The following TBCK variants were observed in gnomAD, a reference collection of about 807,000 sequenced individuals.
TBCK encodes TBC domain-containing protein kinase-like protein.
A neutral mutation model predicts 113.4 loss-of-function variants in TBCK; 99 were observed. The ratio of observed to expected loss-of-function variants is 0.87; its 90% CI spans 0.74 to 1.03. The LOEUF is 1.03. TBCK is among the 50% of genes least tolerant of loss of function. The probability of loss-of-function intolerance (pLI) is 0.00; values close to 1 mark genes in which losing one functional copy is unlikely to be tolerated. For synonymous variants in TBCK, 369 were observed against 370.8 expected, an observed-to-expected ratio of 1.00 and a Z score of 0.05; for missense variants, 1,045 against 1,061.3, an observed-to-expected ratio of 0.98 and a Z score of 0.21.
chr4:106,059,089 C>A (rs1309471129), intron 25 of TBCK, among the ~76,000 whole-genome samples: 1 of 151,678 alleles, frequency 6.6e-6, no homozygotes, highest in Non-Finnish European at 1.5e-5. Context: ...AGTGTAGGAA[C>A]TTTGTAGACA....
In TBCK at chr4:106,177,048, G is replaced by A. The variant is rs978865852; in HGVS notation, c.2060-5778C>T. On this transcript the variant is annotated intron_variant, in intron 22 of 25. Coordinates refer to ENST00000394708, the MANE Select transcript of TBCK (RefSeq NM_001163435.3). ...GACATGATCATAGACTATGACCTAC[G>A]ACAAGCCTGAAACTTCTGGGCTCAA... Among the ~76,000 whole-genome samples the A allele has an allele frequency of 4.8e-4, 73 of 150,900 alleles. 1 individual carries two copies. Among genetic ancestry groups the A allele is most frequent in the Admixed American group, 4.8e-3 (72 of 15,130 alleles).
At chr4:106,288,191 C>A (rs112102713) in intron 3 of TBCK, among the ~76,000 whole-genome samples, 7 of 151,414 alleles carry the variant, frequency 4.6e-5, no homozygotes, top group African/African-American at 1.5e-4. Context: ...CTCAGGAGTT[C>A]GCGACCAGCC....
intron 23 of TBCK, among the ~76,000 whole-genome samples, chr4:106,118,163 C>T (rs1347277840): frequency 6.6e-6 from 1 of 152,026 alleles, no homozygotes; most frequent in Non-Finnish European, 1.5e-5. Flanking sequence ...TTCTCAGTTA[C>T]ATTGTGGAAT....
intron 23 of TBCK, among the ~76,000 whole-genome samples, chr4:106,121,319 G>A (rs1173306208): frequency 6.7e-6 from 1 of 149,912 alleles, no homozygotes; most frequent in Non-Finnish European, 1.5e-5. Context: ...AACAAGAAGA[G>A]CTAACTATCC....
chr4:106,145,819 A>C (rs1747724885), intron 23 of TBCK, among the ~76,000 whole-genome samples: 1 of 152,336 alleles, frequency 6.6e-6, no homozygotes, highest in South Asian at 2.1e-4. Context: ...TGATCATTAG[A>C]GAAATGCAAA....
At chr4:106,278,047 C>G (rs906224645) in intron 3 of TBCK, among the ~76,000 whole-genome samples, 1 of 151,728 alleles carries the variant, frequency 6.6e-6, no homozygotes, top group Non-Finnish European at 1.5e-5. Context: ...ATTAGAAAAT[C>G]TAGGTATATT....
chr4:106,125,545 T>C (rs184333740), intron 23 of TBCK, among the ~76,000 whole-genome samples: 1 of 152,230 alleles, frequency 6.6e-6, no homozygotes, highest in African/African-American at 2.4e-5. Flanking sequence ...TGAAATCCTA[T>C]CATTTTCAGC....
At chr4:106,309,224 T>C (rs926792398) in intron 1 of TBCK, among the ~76,000 whole-genome samples, 23 of 151,856 alleles carry the variant, frequency 1.5e-4, no homozygotes, top group Admixed American at 1.4e-3. Context: ...AAAAGATTAT[T>C]CCATTCTCAA....
chr4:106,262,945 TAC>T (rs1226712974), intron 3 of TBCK, among the ~76,000 whole-genome samples: 1 of 151,980 alleles, frequency 6.6e-6, no homozygotes, highest in Non-Finnish European at 1.5e-5. Context: ...TTTTTATTAT[TAC>T]ACTTTATAAA....
chr4:106,133,831 G>A (rs1353364944), intron 23 of TBCK, among the ~76,000 whole-genome samples: 1 of 152,098 alleles, frequency 6.6e-6, no homozygotes, highest in Admixed American at 6.5e-5. Flanking sequence ...TGGCCAACAT[G>A]AAACCCCATC....
intron 25 of TBCK, among the ~76,000 whole-genome samples, chr4:106,061,667 A>AGTGT (rs61139916): frequency 0.081 from 12,056 of 148,344 alleles, 544 homozygotes; most frequent in Middle Eastern, 0.18. Context: ...TGTTTCTGTG[A>AGTGT]GTGTGTGTGT....
chr4:106,284,734 C>G (rs934377937), intron 3 of TBCK, among the ~76,000 whole-genome samples: 6 of 152,086 alleles, frequency 3.9e-5, no homozygotes, highest in African/African-American at 1.4e-4. Context: ...AATTCTAACA[C>G]AAAAGGGAAA....
At chr4:106,239,968 G>A (rs76392961) in intron 12 of TBCK, among the ~76,000 whole-genome samples, 2 of 151,764 alleles carry the variant, frequency 1.3e-5, no homozygotes, top group South Asian at 2.1e-4. Context: ...AAACAGAAAT[G>A]CAAAAATTCT....
chr4:106,082,698 C>T (rs543546292), intron 25 of TBCK, among the ~76,000 whole-genome samples: 190 of 152,304 alleles, frequency 1.2e-3, no homozygotes, highest in African/African-American at 4.4e-3. Context: ...GAAGCAGCAG[C>T]ATTCCGAGGC....
chr4:106,081,222 A>G (rs2149491965), intron 25 of TBCK, among the ~76,000 whole-genome samples: 1 of 152,238 alleles, frequency 6.6e-6, no homozygotes, highest in East Asian at 1.9e-4. Context: ...TTATAAAGAT[A>G]CATGTGCATA....
intron 3 of TBCK, among the ~76,000 whole-genome samples, chr4:106,276,645 C>A (rs1314596159): frequency 6.6e-6 from 1 of 152,160 alleles, no homozygotes; most frequent in Non-Finnish European, 1.5e-5. Flanking sequence ...ATAATCCCAG[C>A]ACTCTGGGAG....
intron 19 of TBCK, among the ~76,000 whole-genome samples, chr4:106,214,666 A>C (rs1264465044): frequency 6.6e-6 from 1 of 152,208 alleles, no homozygotes; most frequent in African/African-American, 2.4e-5. Context: ...GTTTAGAGAA[A>C]AAAGAATAAA....
At chr4:106,236,731 A>C in intron 13 of TBCK, 28 bp downstream of exon 13, 1 of 1,312,484 alleles carries the variant, frequency 7.6e-7, no homozygotes, top group Non-Finnish European at 1.0e-6. Flanking sequence ...AAGAAAAATA[A>C]ATCTAAAATG....
chr4:106,233,723 T>C, intron 15 of TBCK, 73 bp from the exon 16 acceptor site: 1 of 1,245,714 alleles, frequency 8.0e-7, no homozygotes, highest in Non-Finnish European at 1.1e-6. Context: ...GAAATCTATT[T>C]TTTACAAATA....
Sources: allele counts gnomAD v4.1 joint callset (sites outside exome capture counted in the v4.1 genomes callset), GRCh38; gene constraint gnomAD v4.1.1; transcripts MANE v1.5; gene names NCBI Gene and HGNC (gene_info 2026-07-23, HGNC 2026-07-21).